The following VTCN1 variants were observed in gnomAD, a reference collection of about 807,000 sequenced individuals.
VTCN1 encodes V-set domain containing T cell activation inhibitor 1.
In VTCN1, 26 loss-of-function variants were observed where a neutral mutation model predicts 26.5. That is an observed-to-expected ratio of 0.98 (90% CI 0.72 to 1.36). VTCN1 has a LOEUF of 1.36. Among genes scored for constraint, VTCN1 ranks in the 40% most tolerant of loss-of-function variants. The pLI, the probability that VTCN1 is intolerant of heterozygous loss-of-function variation, is 0.00. For synonymous variants in VTCN1, 116 were observed against 130.7 expected, an observed-to-expected ratio of 0.89 and a Z score of 0.77; for missense variants, 298 against 337.7, an observed-to-expected ratio of 0.88 and a Z score of 0.92.
intron 2 of VTCN1, among the ~76,000 whole-genome samples, chr1:117,157,860 G>A (rs909560704): frequency 6.6e-6 from 1 of 152,178 alleles, no homozygotes; most frequent in Non-Finnish European, 1.5e-5. Flanking sequence ...AGATACAATG[G>A]GGGTACAGGT....
intron 2 of VTCN1, among the ~76,000 whole-genome samples, chr1:117,166,805 T>C (rs1365798283): frequency 6.6e-6 from 1 of 152,044 alleles, no homozygotes; most frequent in African/African-American, 2.4e-5. Context: ...AGAATATATA[T>C]GTAAATCAGA....
intron 1 of VTCN1, among the ~76,000 whole-genome samples, chr1:117,203,346 T>C (rs1648881451): frequency 6.6e-6 from 1 of 151,786 alleles, no homozygotes. Flanking sequence ...AATGAGGAGG[T>C]GAGGCAGGGA....
At chr1:117,206,637 G>A (rs935944853) in intron 1 of VTCN1, among the ~76,000 whole-genome samples, 1 of 149,274 alleles carries the variant, frequency 6.7e-6, no homozygotes, top group African/African-American at 2.5e-5. Flanking sequence ...GAACCCTGGT[G>A]AGGGAAACAG....
At chr1:117,170,208 C>T (rs1241505798) in intron 1 of VTCN1, 37 bp from the exon 2 acceptor site, 8 of 1,595,992 alleles carry the variant, frequency 5.0e-6, no homozygotes, top group Non-Finnish European at 6.9e-6. Context: ...AATTAGTTCT[C>T]CATTCCTCTT....
rs1651428176 is a variant in VTCN1, at chr1:117,144,804, C to G, written c.*467G>C. 1 of 152,632 alleles carries G rather than the reference C, an allele frequency of 6.6e-6. No homozygotes were observed. Among genetic ancestry groups the G allele is most frequent in the African/African-American group, 2.4e-5 (1 of 41,452 alleles). 9.5% of individuals were successfully genotyped at this position (152,632 alleles called of 1,614,324 possible). On this transcript the variant is annotated 3_prime_UTR_variant, in exon 6 of 6. Transcript: ENST00000369458. The stretch of plus-strand genomic sequence containing the variant: ...TAGCAGCGTCTTAGGGTACATACTA[C>G]AGCTTAATTTGTGGAATATAAGATG...
chr1:117,199,574 C>T (rs1457520872), intron 1 of VTCN1, among the ~76,000 whole-genome samples: 1 of 152,036 alleles, frequency 6.6e-6, no homozygotes, highest in Non-Finnish European at 1.5e-5. Context: ...GATCCACCCA[C>T]CTCAGCCTCC....
At chr1:117,173,306 T>A in intron 1 of VTCN1, 1 of 618,490 alleles carries the variant, frequency 1.6e-6, no homozygotes, top group Non-Finnish European at 3.0e-6. Flanking sequence ...GGGTAGTGGT[T>A]AATTCCTAAT....
In VTCN1 at chr1:117,147,736, C is replaced by T. The variant is rs2101423174; in HGVS notation, c.771G>A (p.Lys257=). Residue 257 remains lysine (K), a synonymous_variant, in exon 5 of 6, where the codon AAG becomes AAA. Transcript: ENST00000369458. This position sits in a 1 kb window ranked among gnomAD's most constrained non-coding sequence, Gnocchi z 4.6. The part of the protein sequence containing the change: ...RRSHLQLLNS[K]ASLCVSSFFA... The stretch of plus-strand genomic sequence containing the variant: ...AGAAAGAAGAGACACACAGAGAAGC[C>T]TTTGAGTTTAGCAGCTGTAGGTGAC... 1 of 1,614,024 alleles carries T rather than the reference C, an allele frequency of 6.2e-7. No individual in the cohort carries two copies. Among genetic ancestry groups the T allele is most frequent in the Non-Finnish European group, 8.5e-7 (1 of 1,179,946 alleles).
rs1206678105 is a variant in VTCN1, at chr1:117,146,563, A to T, written c.*45+1050T>A. On this transcript the variant is annotated intron_variant, in intron 5 of 5. Coordinates refer to ENST00000369458, the MANE Select transcript of VTCN1 (RefSeq NM_024626.4). The surrounding 1 kb of genome is among the most constrained non-coding windows in gnomAD (Gnocchi z 4.2). ...ATAAGCTAGGAAGCATTTTCCTAAA[A>T]TGGATAAAGGAAGTAGTGGGTATAA... 6.6e-6 allele frequency among the ~76,000 whole-genome samples: 1 copy of T among 152,206 alleles called. No individual in the cohort carries two copies. The highest frequency in any genetic ancestry group is 1.5e-5 in the Non-Finnish European group (1 of 68,030).
chr1:117,189,354 T>C (rs924983780), intron 1 of VTCN1, among the ~76,000 whole-genome samples: 5 of 152,200 alleles, frequency 3.3e-5, no homozygotes, highest in Non-Finnish European at 5.9e-5. Flanking sequence ...GAACTCGTAA[T>C]TGTGAGTTGG....
intron 1 of VTCN1, among the ~76,000 whole-genome samples, chr1:117,176,016 T>A (rs1647333703): frequency 6.6e-6 from 1 of 152,062 alleles, no homozygotes; most frequent in African/African-American, 2.4e-5. Flanking sequence ...GTGATCCACC[T>A]GCCTCGGCCT....
chr1:117,196,238 G>A (rs1392496062), intron 1 of VTCN1, among the ~76,000 whole-genome samples: 1 of 152,052 alleles, frequency 6.6e-6, no homozygotes, highest in African/African-American at 2.4e-5. Flanking sequence ...AACTTAGTGA[G>A]TGAATTAAGG....
chr1:117,169,690 T>C lies in VTCN1; in HGVS notation c.97+417A>G, dbSNP rs1652795883. Among the ~76,000 whole-genome samples the C allele has an allele frequency of 6.6e-6, 1 of 152,140 alleles. No individual in the cohort carries two copies. The highest frequency in any genetic ancestry group is 2.4e-5 in the African/African-American group (1 of 41,424). Reference sequence around the variant, plus strand: ...GGTGGATTGCTTGAGCTCAGGAGTTTGAGACCAGCCTGAGCAACATGGTGA... The same window carrying C: ...GGTGGATTGCTTGAGCTCAGGAGTTCGAGACCAGCCTGAGCAACATGGTGA... On this transcript the variant is annotated intron_variant, in intron 2 of 5. Coordinates refer to ENST00000369458, the MANE Select transcript of VTCN1 (RefSeq NM_024626.4). This position sits in a 1 kb window ranked among gnomAD's most constrained non-coding sequence, Gnocchi z 4.0.
chr1:117,152,815 A>G (rs1405762448), intron 4 of VTCN1, among the ~76,000 whole-genome samples: 1 of 152,210 alleles, frequency 6.6e-6, no homozygotes, highest in East Asian at 1.9e-4. Context: ...ACAGAGCCTC[A>G]GAATCCTAAA....
At chr1:117,163,384 T>C (rs1652466696) in intron 2 of VTCN1, among the ~76,000 whole-genome samples, 1 of 152,228 alleles carries the variant, frequency 6.6e-6, no homozygotes, top group Non-Finnish European at 1.5e-5. Context: ...AAGGACTTAA[T>C]GATACAATGC....
chr1:117,153,010 A>G (rs570902069), intron 4 of VTCN1, 81 bp downstream of exon 4: 7 of 1,496,530 alleles, frequency 4.7e-6, no homozygotes, highest in Non-Finnish European at 6.3e-6. Flanking sequence ...GCCTTGGTAT[A>G]TATCTATTAA....
At position 117,144,170 on chromosome 1, in the gene VTCN1, C is replaced by T. The variant is rs1651394964; in HGVS notation, c.*1101G>A. 6.6e-6 allele frequency: 1 copy of T among 152,242 alleles called. No individual in the cohort carries two copies. Among genetic ancestry groups the T allele is most frequent in the South Asian group, 2.1e-4 (1 of 4,834 alleles). The allele number at this position is 152,242 out of a possible 1,614,324, so 9.4% of individuals were successfully genotyped here. ...ACAGATTTGTTGGCTCCCCTCTTTC[C>T]AGGCCCTTTTCTACTCAAAACCAGG... On this transcript the variant is annotated 3_prime_UTR_variant, in exon 6 of 6. Coordinates refer to ENST00000369458, the MANE Select transcript of VTCN1 (RefSeq NM_024626.4).
intron 4 of VTCN1, among the ~76,000 whole-genome samples, chr1:117,148,136 C>T (rs2358817): frequency 0.17 from 25,598 of 152,178 alleles, 3,739 homozygotes; most frequent in African/African-American, 0.4. Context: ...ACAGGATCCA[C>T]GTCATTACAT....
intron 1 of VTCN1, among the ~76,000 whole-genome samples, chr1:117,188,968 A>G (rs926866438): frequency 6.6e-6 from 1 of 152,256 alleles, no homozygotes; most frequent in Admixed American, 6.5e-5. Flanking sequence ...CAATGTTATT[A>G]TAACCCATAT....
Sources: allele counts gnomAD v4.1 joint callset (sites outside exome capture counted in the v4.1 genomes callset), GRCh38; gene constraint gnomAD v4.1.1; non-coding constraint Gnocchi (gnomAD v3.1); transcripts MANE v1.5; gene names NCBI Gene and HGNC (gene_info 2026-07-23, HGNC 2026-07-21).